CDYL2: variants seen among roughly 807,000 people sequenced by gnomAD.
The protein encoded by CDYL2 is chromodomain Y like 2, also known as chromodomain Y-like protein 2.
Under a neutral mutation model 49.4 loss-of-function variants are expected in CDYL2, and 23 were observed. That is an observed-to-expected ratio of 0.47 (90% CI 0.34 to 0.66). The LOEUF (loss-of-function observed/expected upper bound fraction) is 0.66, where lower values mean the gene tolerates loss of function less well. Among genes scored for constraint, CDYL2 ranks in the 30% least tolerant of loss-of-function variants. CDYL2 has a pLI of 0.01. For missense variants in CDYL2, 678 were observed against 656.4 expected, an observed-to-expected ratio of 1.03 and a Z score of -0.36; for synonymous variants, 360 against 268.8, an observed-to-expected ratio of 1.34 and a Z score of -3.32.
chr16:80,702,557 C>T (rs573989972), intron 1 of CDYL2, among the ~76,000 whole-genome samples: 22 of 152,222 alleles, frequency 1.4e-4, no homozygotes, highest in Non-Finnish European at 2.9e-5. Context: ...TCAGACCATC[C>T]TGCGCAACAG....
chr16:80,610,217 C>A (rs1037880895), intron 5 of CDYL2, among the ~76,000 whole-genome samples: 5 of 152,138 alleles, frequency 3.3e-5, no homozygotes, highest in Non-Finnish European at 5.9e-5. Context: ...TGCAGGCCCT[C>A]AGATGGAAAC....
chr16:80,759,127 TATATATATATATGGTTTATATAA>T (rs1476571149), intron 1 of CDYL2, among the ~76,000 whole-genome samples: 3 of 135,004 alleles, frequency 2.2e-5, no homozygotes, highest in African/African-American at 5.7e-5. Flanking sequence ...TATATATATA[TATATATATATATGGTTTATATAA>T]ATATATGGTT....
rs1906143180 is a variant in CDYL2, at chr16:80,602,675, T to A, written c.*1713A>T. ...TCCATAAGCTGTGCCCACTTCTTGC[T>A]GCCTTATTCCACTCTCTTCAAAGAA... On this transcript the variant is annotated 3_prime_UTR_variant, in exon 7 of 7. Coordinates refer to ENST00000570137, the MANE Select transcript of CDYL2 (RefSeq NM_152342.4). 6.6e-6 allele frequency: 1 copy of A among 152,132 alleles called. No homozygotes were observed. Among genetic ancestry groups the A allele is most frequent in the Non-Finnish European group, 1.5e-5 (1 of 68,064 alleles). 9.4% of individuals were successfully genotyped at this position (152,132 alleles called of 1,614,324 possible).
intron 1 of CDYL2, among the ~76,000 whole-genome samples, chr16:80,688,995 G>T (rs1472398996): frequency 6.6e-6 from 1 of 152,128 alleles, no homozygotes; most frequent in Non-Finnish European, 1.5e-5. Flanking sequence ...TACCTGGGCA[G>T]GCCACTTGCT....
chr16:80,678,059 T>A (rs889031641), intron 2 of CDYL2, among the ~76,000 whole-genome samples: 2 of 152,030 alleles, frequency 1.3e-5, no homozygotes, highest in Non-Finnish European at 2.9e-5. Context: ...GCTAGCCATA[T>A]GTAGAAAGCT....
At chr16:80,606,329 C>A (rs1432037945) in intron 6 of CDYL2, among the ~76,000 whole-genome samples, 5 of 152,312 alleles carry the variant, frequency 3.3e-5, no homozygotes, top group South Asian at 2.1e-4. Context: ...CAGCAGAGAC[C>A]TCCTTGCAGT....
intron 1 of CDYL2, among the ~76,000 whole-genome samples, chr16:80,749,876 C>T (rs974965202): frequency 6.6e-6 from 1 of 152,102 alleles, no homozygotes; most frequent in African/African-American, 2.4e-5. Flanking sequence ...GAAAATGTGG[C>T]ACATAGACAC....
At chr16:80,761,985 A>C (rs1410898305) in intron 1 of CDYL2, among the ~76,000 whole-genome samples, 1 of 151,960 alleles carries the variant, frequency 6.6e-6, no homozygotes, top group Non-Finnish European at 1.5e-5. Flanking sequence ...CAGGAGGTCA[A>C]GACTAGCCCA....
rs72806123 is a variant in CDYL2 at position 80,647,234 on chromosome 16, C to G, written c.617-13998G>C. ...GGATGCCAAAAACTGGAAAGATATT[C>G]CATGTTCATGGATTTAAGGAATCAA... is the stretch of plus-strand genomic sequence containing the variant. On this transcript the variant is annotated intron_variant, in intron 2 of 6. Transcript: ENST00000570137. 5.0e-3 allele frequency among the ~76,000 whole-genome samples: 765 copies of G among 152,162 alleles called. 2 individuals are homozygous for G. The highest frequency in any genetic ancestry group is 8.7e-3 in the Non-Finnish European group (594 of 68,004).
At chr16:80,694,841 G>C (rs1375107588) in intron 1 of CDYL2, among the ~76,000 whole-genome samples, 2 of 152,166 alleles carry the variant, frequency 1.3e-5, no homozygotes, top group Non-Finnish European at 2.9e-5. Flanking sequence ...GAAGATCTGA[G>C]AGTGCTAAAA....
At chr16:80,727,122 G>A (rs141351428) in intron 1 of CDYL2, among the ~76,000 whole-genome samples, 2,547 of 152,326 alleles carry the variant, frequency 0.017, 20 homozygotes, top group African/African-American at 0.028. Flanking sequence ...AACAGCTCCA[G>A]TCTACAGCTC....
chr16:80,775,950 T>C (rs1412634772), intron 1 of CDYL2, among the ~76,000 whole-genome samples: 3 of 151,930 alleles, frequency 2.0e-5, no homozygotes, highest in African/African-American at 7.2e-5. Context: ...GGTCATACAT[T>C]ATTAGGTCAC....
chr16:80,632,343 T>C (rs892386172), intron 3 of CDYL2, among the ~76,000 whole-genome samples: 5 of 152,208 alleles, frequency 3.3e-5, no homozygotes, highest in African/African-American at 1.2e-4. Flanking sequence ...TTTCCATTGA[T>C]ACAAACTGTC....
chr16:80,621,021 G>C, intron 3 of CDYL2, 86 bp from the exon 4 acceptor site: 2 of 1,394,188 alleles, frequency 1.4e-6, no homozygotes, highest in Non-Finnish European at 1.9e-6. Context: ...CCAGAGGCCT[G>C]ACCCCCTGAG....
intron 1 of CDYL2, among the ~76,000 whole-genome samples, chr16:80,698,211 G>C (rs1479925215): frequency 6.6e-6 from 1 of 152,040 alleles, no homozygotes; most frequent in Non-Finnish European, 1.5e-5. Context: ...AGATTTCATG[G>C]CTAAGACCTC....
chr16:80,687,176 G>C (rs1313476525), intron 1 of CDYL2, among the ~76,000 whole-genome samples: 1 of 152,230 alleles, frequency 6.6e-6, no homozygotes, highest in Non-Finnish European at 1.5e-5. Context: ...TGAAACAGCA[G>C]CATTTGTGAG....
intron 1 of CDYL2, among the ~76,000 whole-genome samples, chr16:80,803,314 C>T (rs1414640869): frequency 6.6e-6 from 1 of 152,186 alleles, no homozygotes; most frequent in African/African-American, 2.4e-5. Flanking sequence ...CTCATTAGGA[C>T]CTGGAGCCAG....
At chr16:80,691,660 A>C (rs906048738) in intron 1 of CDYL2, among the ~76,000 whole-genome samples, 4 of 152,240 alleles carry the variant, frequency 2.6e-5, no homozygotes, top group African/African-American at 9.6e-5. Flanking sequence ...GAACATGATC[A>C]TAACTAAAAT....
intron 1 of CDYL2, among the ~76,000 whole-genome samples, chr16:80,761,579 C>G (rs573098684): frequency 6.6e-5 from 10 of 152,084 alleles, no homozygotes; most frequent in Non-Finnish European, 1.2e-4. Flanking sequence ...ACCTGCGGAG[C>G]CTTTTCAACA....
Sources: gnomAD v4.1 joint callset for allele counts (sites outside exome capture counted in the v4.1 genomes callset) on GRCh38, gnomAD v4.1.1 for gene constraint, MANE v1.5 for transcripts, NCBI Gene and HGNC (gene_info 2026-07-23, HGNC 2026-07-21) for gene names.